Variants in PKD2 observed in about 807,000 individuals in gnomAD.
PKD2 encodes the protein polycystin 2, transient receptor potential cation channel.
Under a neutral mutation model 105.9 loss-of-function variants are expected in PKD2, and 48 were observed. The observed-to-expected ratio is 0.45, with a 90% confidence interval of 0.36 to 0.58. PKD2 has a LOEUF of 0.58. PKD2 is among the 20% of genes least tolerant of loss of function. The pLI, the probability that PKD2 is intolerant of heterozygous loss-of-function variation, is 0.00. For missense variants in PKD2, 1,078 were observed against 1,255.3 expected (o/e 0.86, Z 2.13); for synonymous variants, 464 against 481.1 (o/e 0.96, Z 0.46).
chr4:88,024,479 A>AG (rs1251605844), intron 2 of PKD2, among the ~76,000 whole-genome samples: 4 of 139,060 alleles, frequency 2.9e-5, no homozygotes, highest in East Asian at 2.4e-4. Context: ...AAAAAAAAAA[A>AG]AAAGAAAGAA....
At chr4:88,037,646 T>C (rs1004463918) in intron 3 of PKD2, among the ~76,000 whole-genome samples, 1 of 152,212 alleles carries the variant, frequency 6.6e-6, no homozygotes, top group Non-Finnish European at 1.5e-5. Context: ...CTGTTGATCA[T>C]CTGACAAGGA....
rs757022369 is a variant in PKD2, at chr4:88,038,337, C to T, written c.930C>T (p.Phe310=). ...QTEADNRSFI[F]YENLLLGVPR... ...AAGCTGACAACCGAAGTTTCATCTTCTATGAGAACCTGCTGTTAGGGGTTC... is the reference window on the plus strand; with the variant it reads ...AAGCTGACAACCGAAGTTTCATCTTTTATGAGAACCTGCTGTTAGGGGTTC... Residue 310 remains phenylalanine, a synonymous_variant, in exon 4 of 15, where the codon TTC becomes TTT. Coordinates refer to ENST00000237596, the MANE Select transcript of PKD2 (RefSeq NM_000297.4). The T allele has an allele frequency of 1.2e-6, 2 of 1,614,048 alleles. No individual in the cohort carries two copies. Among genetic ancestry groups the T allele is most frequent in the Non-Finnish European group, 8.5e-7 (1 of 1,179,910 alleles).
chr4:88,027,256 C>T (rs1053569667), intron 2 of PKD2, among the ~76,000 whole-genome samples: 5 of 152,224 alleles, frequency 3.3e-5, no homozygotes, highest in Non-Finnish European at 7.3e-5. Flanking sequence ...CCCTGCAGAG[C>T]CACAGAGGTG....
chr4:88,052,090 C>A lies in PKD2; in HGVS notation c.1648C>A (p.His550Asn). 1 of 1,606,298 alleles carries A rather than the reference C, an allele frequency of 6.2e-7. No homozygotes were observed. The highest frequency in any genetic ancestry group is 8.5e-7 in the Non-Finnish European group (1 of 1,173,070). Reference sequence around the variant, plus strand: ...TCAAAATACTTTCCCCAACTTTGAGCATCTGGCATATTGGCAGATACAGTT... The same window carrying A: ...TCAAAATACTTTCCCCAACTTTGAGAATCTGGCATATTGGCAGATACAGTT... ...EDQNTFPNFE[H>N]LAYWQIQFNN... Residue 550 changes from histidine to asparagine, a missense_variant, in exon 7 of 15, where the codon CAT becomes AAT. By Grantham distance (68) the His-to-Asn change is moderately conservative. Around this residue, in one of 2 missense-constraint regions of PKD2, gnomAD observed 868 missense variants for 1,067.3 expected, o/e 0.81. Transcript: ENST00000237596.
intron 1 of PKD2, among the ~76,000 whole-genome samples, chr4:88,012,890 G>A (rs189373724): frequency 7.2e-5 from 11 of 152,168 alleles, no homozygotes; most frequent in Middle Eastern, 6.8e-3. Flanking sequence ...ATCCATGCGT[G>A]CAAATTCCCT....
intron 1 of PKD2, among the ~76,000 whole-genome samples, chr4:88,009,080 C>G (rs1298145122): frequency 6.6e-6 from 1 of 152,142 alleles, no homozygotes; most frequent in Admixed American, 6.5e-5. Context: ...GATGAAGTCA[C>G]CAGATAGCAG....
chr4:88,074,368 C>T (rs545655858), intron 13 of PKD2, among the ~76,000 whole-genome samples: 1 of 152,220 alleles, frequency 6.6e-6, no homozygotes, highest in African/African-American at 2.4e-5. Flanking sequence ...GAACTCCTGG[C>T]CTCAAGCGAT....
intron 4 of PKD2, among the ~76,000 whole-genome samples, chr4:88,041,989 C>G (rs1200559369): frequency 1.3e-5 from 2 of 152,228 alleles, no homozygotes; most frequent in African/African-American, 4.8e-5. Flanking sequence ...TTTCCCTTCA[C>G]AGACTCCTTC....
At chr4:88,026,615 T>C (rs1363643432) in intron 2 of PKD2, among the ~76,000 whole-genome samples, 2 of 152,108 alleles carry the variant, frequency 1.3e-5, no homozygotes, top group Non-Finnish European at 2.9e-5. Context: ...GCTGGAGAAA[T>C]TTGCATAAGT....
At chr4:88,055,638 CTTTT>C (rs5860112) in intron 7 of PKD2, among the ~76,000 whole-genome samples, 1 of 140,864 alleles carries the variant, frequency 7.1e-6, no homozygotes, top group Non-Finnish European at 1.6e-5. Context: ...TGCACTCAGC[CTTTT>C]TTTTTTTTTT....
intron 1 of PKD2, among the ~76,000 whole-genome samples, chr4:88,016,724 GCCAA>G (rs1264085350): frequency 2.6e-5 from 4 of 152,148 alleles, no homozygotes; most frequent in African/African-American, 9.7e-5. Flanking sequence ...ACTTTGAGAG[GCCAA>G]GGTGAGAGGA....
chr4:88,036,366 A>G lies in PKD2; in HGVS notation c.843+13A>G. The G allele has an allele frequency of 6.2e-7, 1 of 1,610,832 alleles. No individual in the cohort carries two copies. The highest frequency in any genetic ancestry group is 8.5e-7 in the Non-Finnish European group (1 of 1,177,000). The stretch of plus-strand genomic sequence containing the variant: ...AGACTTCTGGAAGGTATTTGCAAAT[A>G]ACTTTGAAAGTACCTCTCTATCACA... On this transcript the variant is annotated intron_variant, in intron 3 of 14. Coordinates refer to ENST00000237596, the MANE Select transcript of PKD2 (RefSeq NM_000297.4).
chr4:88,039,435 C>A (rs60077466), intron 4 of PKD2, among the ~76,000 whole-genome samples: 1 of 151,924 alleles, frequency 6.6e-6, no homozygotes, highest in South Asian at 2.1e-4. Flanking sequence ...AAAGCCAAGG[C>A]GGACAGATCA....
intron 1 of PKD2, among the ~76,000 whole-genome samples, 197 bp from the exon 2 acceptor site, chr4:88,019,261 G>A (rs1667154565): frequency 6.6e-6 from 1 of 151,482 alleles, no homozygotes. Flanking sequence ...TAACATTGGA[G>A]CCAGATGTAC....
chr4:88,013,709 T>TAA (rs199674454), intron 1 of PKD2, among the ~76,000 whole-genome samples: 12,997 of 130,978 alleles, frequency 0.099, 887 homozygotes, highest in East Asian at 0.41. Flanking sequence ...AGCCTGTATC[T>TAA]AAAAAAAAAA....
intron 5 of PKD2, among the ~76,000 whole-genome samples, chr4:88,045,611 AT>A (rs1303680846): frequency 4.6e-5 from 7 of 152,228 alleles, no homozygotes; most frequent in African/African-American, 1.7e-4. Context: ...AGTCTGTATC[AT>A]TAACTGAATC....
chr4:88,066,304 C>T (rs1233413098), intron 12 of PKD2, among the ~76,000 whole-genome samples: 1 of 151,350 alleles, frequency 6.6e-6, no homozygotes, highest in Non-Finnish European at 1.5e-5. Flanking sequence ...AATGACTTAC[C>T]AAGAGATGTG....
intron 1 of PKD2, among the ~76,000 whole-genome samples, chr4:88,016,160 C>T (rs930602169): frequency 1.4e-4 from 21 of 152,202 alleles, no homozygotes; most frequent in African/African-American, 5.1e-4. Context: ...CGGCTCACCT[C>T]CTGCTGTGGG....
rs1452727902 is a variant in PKD2, at chr4:88,046,811, A to T, written c.1489A>T (p.Ile497Phe). 1 of 1,612,504 alleles carries T rather than the reference A, an allele frequency of 6.2e-7. No individual in the cohort carries two copies. The highest frequency in any genetic ancestry group is 1.3e-5 in the African/African-American group (1 of 74,882). The part of the protein sequence containing the change: ...YVVEEILEIR[I>F]HKLHYFRSFW... ...GGTGGAAGAGATATTGGAAATTCGCATTCACAAACTACACTATTTCAGGAG... is the reference window on the plus strand; with the variant it reads ...GGTGGAAGAGATATTGGAAATTCGCTTTCACAAACTACACTATTTCAGGAG... The change falls in exon 6 of 15, where the codon ATT becomes TTT. Residue 497 changes from isoleucine (I) to phenylalanine (F), a missense_variant. By Grantham distance (21) the Ile-to-Phe change is conservative. Coordinates refer to ENST00000237596, the MANE Select transcript of PKD2 (RefSeq NM_000297.4).
Sources: allele counts gnomAD v4.1 joint callset (sites outside exome capture counted in the v4.1 genomes callset), GRCh38; gene constraint gnomAD v4.1.1; regional missense constraint gnomAD v4.1.1; transcripts MANE v1.5; gene names NCBI Gene and HGNC (gene_info 2026-07-23, HGNC 2026-07-21).